ZMYND12: variants seen among roughly 807,000 people sequenced by gnomAD.
The protein encoded by ZMYND12 is zinc finger MYND-type containing 12.
In ZMYND12, 32 loss-of-function variants were observed where a neutral mutation model predicts 41.7. The ratio of observed to expected loss-of-function variants is 0.77; its 90% CI spans 0.58 to 1.03. The LOEUF (loss-of-function observed/expected upper bound fraction) is 1.03. Ranked by LOEUF, ZMYND12 falls within the 50% of genes least tolerant of loss-of-function variation. The pLI, the probability that ZMYND12 is intolerant of heterozygous loss-of-function variation, is 0.00. For missense variants in ZMYND12, 424 were observed against 438.5 expected (o/e 0.97, Z 0.30); for synonymous variants, 148 against 164.8 (o/e 0.90, Z 0.78).
chr1:42,455,107 T>TA (rs1181259831), intron 1 of ZMYND12, among the ~76,000 whole-genome samples: 1 of 152,222 alleles, frequency 6.6e-6, no homozygotes, highest in Admixed American at 6.5e-5. Context: ...CTCCCTCCAC[T>TA]ACTACGTTCT....
At position 42,439,857 on chromosome 1, in the gene ZMYND12, T is replaced by A; in HGVS notation, c.593A>T (p.Asp198Val). ...YEEARYHLANDIYFASCAFGT... is the reference protein window; with the variant it reads ...YEEARYHLANVIYFASCAFGT... Reference sequence around the variant, plus strand: ...GGTGTTATAACTTAGCTTGTTTACATCATTGGCCAGATGATAACGGGCCTC... The same window carrying A: ...GGTGTTATAACTTAGCTTGTTTACAACATTGGCCAGATGATAACGGGCCTC... Residue 198 changes from aspartate to valine, a missense_variant and splice_region_variant, in exon 4 of 8, where the codon GAT becomes GTT. Transcript: ENST00000372565. 1 of 1,609,496 alleles carries A rather than the reference T, an allele frequency of 6.2e-7. No homozygotes were observed. The highest frequency in any genetic ancestry group is 2.2e-5 in the East Asian group (1 of 44,856).
At chr1:42,442,494 T>C (rs1040558955) in intron 3 of ZMYND12, among the ~76,000 whole-genome samples, 1 of 152,176 alleles carries the variant, frequency 6.6e-6, no homozygotes, top group African/African-American at 2.4e-5. Context: ...ATATCATCTT[T>C]ATATATACAG....
At chr1:42,455,439 A>T (rs1643151661) in intron 1 of ZMYND12, among the ~76,000 whole-genome samples, 1 of 152,062 alleles carries the variant, frequency 6.6e-6, no homozygotes, top group Non-Finnish European at 1.5e-5. Flanking sequence ...CTCCCGCCTA[A>T]TTTTTGTATT....
At position 42,450,056 on chromosome 1, in the gene ZMYND12, C is replaced by T; in HGVS notation, c.114G>A (p.Gly38=). Reference sequence around the variant, plus strand: ...CCCAGTCAGCCTTCTGATGTACCACCCCACTGACAACGGAAACATAGACTT... The same window carrying T: ...CCCAGTCAGCCTTCTGATGTACCACTCCACTGACAACGGAAACATAGACTT... ...CAACTVTYYC[G]VVHQKADWDS... is the part of the protein sequence containing the mutation. The change falls in exon 2 of 8, where the codon GGG becomes GGA. Residue 38 remains glycine (G), a synonymous_variant. Coordinates refer to ENST00000372565, the MANE Select transcript of ZMYND12 (RefSeq NM_032257.5). 1 of 1,613,360 alleles carries T rather than the reference C, an allele frequency of 6.2e-7. No individual in the cohort carries two copies. Among genetic ancestry groups the T allele is most frequent in the Non-Finnish European group, 8.5e-7 (1 of 1,179,934 alleles).
In ZMYND12 at chr1:42,445,611, T is replaced by C. The variant is rs1035098595; in HGVS notation, c.424+2856A>G. Among the ~76,000 whole-genome samples the C allele has an allele frequency of 6.6e-5, 10 of 151,906 alleles. No individual in the cohort carries two copies. The South Asian group carries it at 8.3e-4, about 13-fold the overall frequency. On this transcript the variant is annotated intron_variant, in intron 3 of 7. Transcript: ENST00000372565. ...AGAAAAGCCTTTCCAAACAAGGAAATCATCATGCTTCTGAGGAACTGAGAG... is the reference window on the plus strand; with the variant it reads ...AGAAAAGCCTTTCCAAACAAGGAAACCATCATGCTTCTGAGGAACTGAGAG...
Position 42,435,441 on chromosome 1 carries a change from C to G in ZMYND12, c.718-56G>C, listed in dbSNP as rs890243894. ...GCAGGCCAGACCTCAGCCGTCGGAC[C>G]AGGCAGGTGAGGAGAGTAGCGCATT... is the stretch of plus-strand genomic sequence containing the variant. On this transcript the variant is annotated intron_variant, in intron 5 of 7. Transcript: ENST00000372565. 1.0e-5 allele frequency: 14 copies of G among 1,369,704 alleles called. No homozygotes were observed. The Admixed American group carries it at 2.2e-4, about 22-fold the overall frequency. 84.8% of individuals were successfully genotyped at this position (1,369,704 alleles called of 1,614,324 possible). A position where few individuals can be genotyped will look rare whatever the true frequency, so the allele number is the denominator to read the frequency against.
At chr1:42,455,460 G>C (rs540163975) in intron 1 of ZMYND12, among the ~76,000 whole-genome samples, 3 of 152,344 alleles carry the variant, frequency 2.0e-5, no homozygotes, top group Non-Finnish European at 4.4e-5. Flanking sequence ...TTTTAGTAGA[G>C]ACAGGGTTTC....
At chr1:42,444,476 G>C (rs1184404683) in intron 3 of ZMYND12, among the ~76,000 whole-genome samples, 1 of 152,170 alleles carries the variant, frequency 6.6e-6, no homozygotes, top group African/African-American at 2.4e-5. Context: ...CTTCCATTTA[G>C]ACAGTACTTT....
intron 5 of ZMYND12, 77 bp from the exon 6 acceptor site, chr1:42,435,462 G>A (rs930203555): frequency 1.5e-5 from 17 of 1,129,096 alleles, no homozygotes; most frequent in East Asian, 9.7e-5. Context: ...GGAGAGTAGC[G>A]CATTTGGCCG....
At chr1:42,450,624 A>G (rs1339640323) in intron 1 of ZMYND12, among the ~76,000 whole-genome samples, 1 of 152,156 alleles carries the variant, frequency 6.6e-6, no homozygotes, top group Non-Finnish European at 1.5e-5. Context: ...AATATGTTTT[A>G]GTTTGCTCTT....
intron 4 of ZMYND12, among the ~76,000 whole-genome samples, chr1:42,438,185 G>C (rs1642928267): frequency 6.6e-6 from 1 of 152,164 alleles, no homozygotes; most frequent in South Asian, 2.1e-4. Context: ...GTAGAGTATA[G>C]AGAGGAAACA....
At chr1:42,434,708 A>G (rs971789490) in intron 6 of ZMYND12, among the ~76,000 whole-genome samples, 1 of 151,246 alleles carries the variant, frequency 6.6e-6, no homozygotes, top group Non-Finnish European at 1.5e-5. Context: ...TGTCACTGTC[A>G]CCCATCACTC....
chr1:42,446,468 A>G lies in ZMYND12; in HGVS notation c.424+1999T>C, dbSNP rs1001334913. Among the ~76,000 whole-genome samples, 6 of 152,156 alleles carry G rather than the reference A, an allele frequency of 3.9e-5. No individual in the cohort carries two copies. The South Asian group carries it at 1.0e-3, about 26-fold the overall frequency. ...AGGACAGGAGTTCAAGATCACAAAC[A>G]TGGTGAAACCCCGTCTCTACTACAA... On this transcript the variant is annotated intron_variant, in intron 3 of 7. Transcript: ENST00000372565.
chr1:42,447,719 C>G (rs1038904070), intron 3 of ZMYND12, among the ~76,000 whole-genome samples: 2 of 152,080 alleles, frequency 1.3e-5, no homozygotes, highest in African/African-American at 4.8e-5. Flanking sequence ...AACAGTTTTA[C>G]TTTTAAAAAA....
chr1:42,444,831 G>A (rs1230839924), intron 3 of ZMYND12, among the ~76,000 whole-genome samples: 1 of 138,310 alleles, frequency 7.2e-6, no homozygotes, highest in Non-Finnish European at 1.5e-5. Context: ...TTGAGACGGA[G>A]TCTCGCTCTG....
At chr1:42,443,503 A>C (rs1642991189) in intron 3 of ZMYND12, among the ~76,000 whole-genome samples, 1 of 152,186 alleles carries the variant, frequency 6.6e-6, no homozygotes, top group Non-Finnish European at 1.5e-5. Context: ...GGGAGATATT[A>C]TGGGAGAAGA....
Position 42,435,356 on chromosome 1 carries a change from G to A in ZMYND12, c.747C>T (p.Asn249=). 1 of 1,613,910 alleles carries A rather than the reference G, an allele frequency of 6.2e-7. No homozygotes were observed. The highest frequency in any genetic ancestry group is 8.5e-7 in the Non-Finnish European group (1 of 1,179,810). Residue 249 remains asparagine (N), a synonymous_variant, in exon 6 of 8, where the codon AAC becomes AAT. Coordinates refer to ENST00000372565, the MANE Select transcript of ZMYND12 (RefSeq NM_032257.5). ...KVSEIWHAYL[N]NHYQVLSQAH... is the part of the protein sequence containing the mutation. ...CCTGTGAGAGGACTTGATAGTGATT[G>A]TTCAAATATGCATGCCAGATCTCAG...
At position 42,430,373 on chromosome 1, in the gene ZMYND12, C is replaced by G. The variant is rs1410374541; in HGVS notation, c.*363G>C. 3.8e-5 allele frequency: 7 copies of G among 184,226 alleles called. No homozygotes were observed. Among genetic ancestry groups the G allele is most frequent in the Non-Finnish European group, 8.0e-5 (7 of 87,184 alleles). The allele number at this position is 184,226 out of a possible 1,614,324, so 11.4% of individuals were successfully genotyped here. ...ATTCCCTACCCCCTCCTTTACCCCTCCTTTAGCAAAAGTGTATGAAACATG... is the reference window on the plus strand; with the variant it reads ...ATTCCCTACCCCCTCCTTTACCCCTGCTTTAGCAAAAGTGTATGAAACATG... On this transcript the variant is annotated 3_prime_UTR_variant, in exon 8 of 8. Coordinates refer to ENST00000372565, the MANE Select transcript of ZMYND12 (RefSeq NM_032257.5).
At chr1:42,432,360 C>T (rs1255992861) in intron 7 of ZMYND12, among the ~76,000 whole-genome samples, 1 of 152,142 alleles carries the variant, frequency 6.6e-6, no homozygotes, top group East Asian at 1.9e-4. Context: ...CTGTGCCTGG[C>T]TAGTTTTCTT....
Sources: allele counts gnomAD v4.1 joint callset (sites outside exome capture counted in the v4.1 genomes callset), GRCh38; gene constraint gnomAD v4.1.1; transcripts MANE v1.5; gene names NCBI Gene and HGNC (gene_info 2026-07-23, HGNC 2026-07-21).